DIXDC1: variants seen among roughly 807,000 people sequenced by gnomAD.
DIXDC1 encodes dixin.
A neutral mutation model predicts 103.1 loss-of-function variants in DIXDC1; 64 were observed. The observed-to-expected ratio is 0.62, with a 90% CI of 0.51 to 0.76. The LOEUF is 0.76. Among genes scored for constraint, DIXDC1 ranks in the 30% least tolerant of loss-of-function variants. The probability of loss-of-function intolerance (pLI) is 0.00; values close to 1 mark genes in which losing one functional copy is unlikely to be tolerated. For missense variants in DIXDC1, 759 were observed against 834.2 expected (o/e 0.91, Z 1.11); for synonymous variants, 266 against 298.5 (o/e 0.89, Z 1.12).
chr11:111,977,593 C>T lies in DIXDC1; in HGVS notation c.656+2610C>T. On this transcript the variant is annotated intron_variant, in intron 5 of 19. Coordinates refer to ENST00000440460, the MANE Select transcript of DIXDC1 (RefSeq NM_001037954.4). This position sits in a 1 kb window ranked among gnomAD's most constrained non-coding sequence, Gnocchi z 6.1. Reference sequence around the variant, plus strand: ...GCTGGGGCCGAGACGCCGCCGCCGCCGCCGTTCCCGCTTTCTCCCGCGAGC... The same window carrying T: ...GCTGGGGCCGAGACGCCGCCGCCGCTGCCGTTCCCGCTTTCTCCCGCGAGC... The T allele has an allele frequency of 6.0e-6, 9 of 1,509,972 alleles. No individual in the cohort carries two copies. The highest frequency in any genetic ancestry group is 8.0e-6 in the Non-Finnish European group (9 of 1,128,746). 93.5% of individuals were successfully genotyped at this position (1,509,972 alleles called of 1,614,324 possible).
chr11:111,974,923 G>C lies in DIXDC1; in HGVS notation c.596G>C (p.Arg199Pro). ...ATTGAGAATCCATACTGGAGTGTGC[G>C]GGCCCTAGTGCAGCAGTACGAAGGG... ...EEIENPYWSV[R>P]ALVQQYEGQQ... The change falls in exon 5 of 20, where the codon CGG becomes CCG. Residue 199 changes from arginine (R) to proline (P), a missense_variant. By Grantham distance (103) the Arg-to-Pro change is moderately radical. Coordinates refer to ENST00000440460, the MANE Select transcript of DIXDC1 (RefSeq NM_001037954.4). 6.2e-7 allele frequency: 1 copy of C among 1,613,608 alleles called. No homozygotes were observed. The highest frequency in any genetic ancestry group is 8.5e-7 in the Non-Finnish European group (1 of 1,179,800).
intron 2 of DIXDC1, among the ~76,000 whole-genome samples, chr11:111,966,807 A>G (rs1859756514): frequency 6.6e-6 from 1 of 152,198 alleles, no homozygotes; most frequent in Middle Eastern, 3.4e-3. Context: ...CTTATTTCCT[A>G]TGCTTTCTTT....
intron 14 of DIXDC1, among the ~76,000 whole-genome samples, chr11:111,994,464 T>TAC (rs1169325323): frequency 2.0e-5 from 3 of 151,256 alleles, no homozygotes. Context: ...TACACACATA[T>TAC]ACACATATAT....
In DIXDC1 at chr11:111,977,345, G is replaced by C. The variant is rs1308389725; in HGVS notation, c.656+2362G>C. 1 of 1,069,118 alleles carries C rather than the reference G, an allele frequency of 9.4e-7. No individual in the cohort carries two copies. Among genetic ancestry groups the C allele is most frequent in the Non-Finnish European group, 1.1e-6 (1 of 882,822 alleles). 66.2% of individuals were successfully genotyped at this position (1,069,118 alleles called of 1,614,324 possible). A position where few individuals can be genotyped will look rare whatever the true frequency, so the allele number is the denominator to read the frequency against. ...GGCACGGAGTGGGATCGCCGCTGGG[G>C]ACTCGAGGCGCAGCCTGCGCCGCCG... On this transcript the variant is annotated intron_variant, in intron 5 of 19. Coordinates refer to ENST00000440460, the MANE Select transcript of DIXDC1 (RefSeq NM_001037954.4). This position sits in a 1 kb window ranked among gnomAD's most constrained non-coding sequence, Gnocchi z 6.1.
At position 112,017,824 on chromosome 11, in the gene DIXDC1, A is replaced by G. The variant is rs1555177929; in HGVS notation, c.1910A>G (p.Glu637Gly). The change falls in exon 19 of 20, where the codon GAA becomes GGA. Residue 637 changes from glutamate (E) to glycine (G), a missense_variant. Physicochemically the swap from Glu to Gly is moderately conservative, Grantham distance 98 (BLOSUM62 -2). Coordinates refer to ENST00000440460, the MANE Select transcript of DIXDC1 (RefSeq NM_001037954.4). The surrounding 1 kb of genome is among the most constrained non-coding windows in gnomAD (Gnocchi z 4.0). ...LKDFKAAIDR[E>G]GNHRYHFKAL... ...GATTTTAAAGCAGCTATTGATCGGG[A>G]AGGAAATCACCGGTATCACTTCAAA... 1 of 1,612,012 alleles carries G rather than the reference A, an allele frequency of 6.2e-7. No homozygotes were observed. The highest frequency in any genetic ancestry group is 1.7e-5 in the Admixed American group (1 of 59,822).
chr11:111,953,697 G>A (rs1321420417), intron 1 of DIXDC1, among the ~76,000 whole-genome samples: 1 of 152,096 alleles, frequency 6.6e-6, no homozygotes, highest in African/African-American at 2.4e-5. Context: ...ACTACAAAGA[G>A]TAACAGATGA....
rs587709869 is a variant in DIXDC1 at position 111,961,658 on chromosome 11, C to T, written c.61-2891C>T. 5.3e-5 allele frequency among the ~76,000 whole-genome samples: 8 copies of T among 152,276 alleles called. No individual in the cohort carries two copies. In the East Asian group the frequency reaches 7.7e-4, roughly 15 times the overall value. On this transcript the variant is annotated intron_variant, in intron 1 of 19. Transcript: ENST00000440460. ...AGTTTTGCATCAGAGACAACTTCTA[C>T]GGGCAAGAAAAAGCTAAGGTTACTT...
chr11:111,943,184 T>C (rs1555169028), intron 1 of DIXDC1, among the ~76,000 whole-genome samples: 1 of 152,242 alleles, frequency 6.6e-6, no homozygotes, highest in Non-Finnish European at 1.5e-5. Flanking sequence ...TCACCCAGGC[T>C]GGAGTGCAGT....
chr11:111,947,484 C>T (rs1966636047), intron 1 of DIXDC1, among the ~76,000 whole-genome samples: 1 of 152,236 alleles, frequency 6.6e-6, no homozygotes. Context: ...GATGGCATGG[C>T]TGGCCTTCAC....
chr11:111,982,158 C>G (rs1566525654), intron 6 of DIXDC1, 181 bp from the exon 7 acceptor site: 2 of 555,806 alleles, frequency 3.6e-6, no homozygotes, highest in East Asian at 5.7e-5. Flanking sequence ...GAGCCTGAGG[C>G]CTGAGCTCAC....
chr11:111,937,703 C>T (rs1592536795), intron 1 of DIXDC1, 144 bp downstream of exon 1: 1 of 782,476 alleles, frequency 1.3e-6, no homozygotes. Context: ...TAAGGTGGTA[C>T]TTACGGTGCA....
chr11:111,951,652 G>A (rs1403042138), intron 1 of DIXDC1, among the ~76,000 whole-genome samples: 1 of 152,104 alleles, frequency 6.6e-6, no homozygotes, highest in African/African-American at 2.4e-5. Flanking sequence ...CCCAATGGGA[G>A]GTAATTGAAT....
intron 2 of DIXDC1, among the ~76,000 whole-genome samples, chr11:111,932,074 A>G (rs1334433789): frequency 2.4e-5 from 3 of 124,006 alleles, no homozygotes; most frequent in African/African-American, 9.6e-5. Flanking sequence ...CTCTGTTCCC[A>G]GGCTGGAGTG....
At position 112,021,831 on chromosome 11, in the gene DIXDC1, A is replaced by T. The variant is rs1026104999; in HGVS notation, c.*2795A>T. 1 of 151,900 alleles carries T rather than the reference A, an allele frequency of 6.6e-6. No homozygotes were observed. Among genetic ancestry groups the T allele is most frequent in the Non-Finnish European group, 1.5e-5 (1 of 67,978 alleles). The allele number at this position is 151,900 out of a possible 1,614,324, so 9.4% of individuals were successfully genotyped here. A position where few individuals can be genotyped will look rare whatever the true frequency, so the allele number is the denominator to read the frequency against. On this transcript the variant is annotated 3_prime_UTR_variant, in exon 20 of 20. Coordinates refer to ENST00000440460, the MANE Select transcript of DIXDC1 (RefSeq NM_001037954.4). ...CTCTACATAGAAATTTTATTATAAA[A>T]GTAGCTGGGGATGGTGGCACACACC...
At chr11:111,984,070 C>G (rs1592595617) in intron 7 of DIXDC1, among the ~76,000 whole-genome samples, 1 of 152,116 alleles carries the variant, frequency 6.6e-6, no homozygotes, top group African/African-American at 2.4e-5. Context: ...GGTGAGATAG[C>G]AAAATTCATT....
At chr11:111,974,852 T>A in intron 4 of DIXDC1, 24 bp from the exon 5 acceptor site, 1 of 1,610,368 alleles carries the variant, frequency 6.2e-7, no homozygotes, top group African/African-American at 1.3e-5. Context: ...ACACCTTCCC[T>A]TTGCTGGGGT....
chr11:111,983,225 A>T (rs1555173484), intron 7 of DIXDC1, among the ~76,000 whole-genome samples: 1 of 152,178 alleles, frequency 6.6e-6, no homozygotes, highest in African/African-American at 2.4e-5. Context: ...CTGAATTGTC[A>T]AATATTTATG....
At chr11:111,982,999 G>A (rs963497529) in intron 7 of DIXDC1, among the ~76,000 whole-genome samples, 1 of 152,188 alleles carries the variant, frequency 6.6e-6, no homozygotes, top group Admixed American at 6.5e-5. Flanking sequence ...GGTTTACTTT[G>A]AGCAACAAAG....
intron 3 of DIXDC1, 90 bp downstream of exon 3, chr11:111,968,728 A>G: frequency 3.9e-6 from 5 of 1,287,962 alleles, no homozygotes; most frequent in Non-Finnish European, 4.1e-6. Context: ...ACCTGGGGGA[A>G]GATAGAAAGT....
Sources: gnomAD v4.1 joint callset for allele counts (sites outside exome capture counted in the v4.1 genomes callset) on GRCh38, gnomAD v4.1.1 for gene constraint, Gnocchi (gnomAD v3.1) non-coding constraint, MANE v1.5 for transcripts, NCBI Gene and HGNC (gene_info 2026-07-23, HGNC 2026-07-21) for gene names.